IL7: variants seen among roughly 807,000 people sequenced by gnomAD.
IL7 encodes interleukin 7.
Under a neutral mutation model 21.6 loss-of-function variants are expected in IL7, and 3 were observed. That is an observed-to-expected ratio of 0.14 (90% confidence interval 0.06 to 0.36). IL7 has a LOEUF of 0.36. IL7 is among the 10% of genes least tolerant of loss of function. IL7 has a pLI of 1.00. For missense variants in IL7, 175 were observed against 200.2 expected, an observed-to-expected ratio of 0.87 and a Z score of 0.76; for synonymous variants, 62 against 68.1, an observed-to-expected ratio of 0.91 and a Z score of 0.44.
At chr8:78,718,471 T>C (rs1381514544) in intron 6 of IL7, 2 of 151,964 alleles carry the variant, frequency 1.3e-5, no homozygotes, top group East Asian at 3.8e-4. Flanking sequence ...TAATCATTAG[T>C]GCAGAGCATG....
At chr8:78,796,276 C>T (rs997459722) in intron 2 of IL7, among the ~76,000 whole-genome samples, 1 of 151,758 alleles carries the variant, frequency 6.6e-6, no homozygotes, top group Non-Finnish European at 1.5e-5. Flanking sequence ...TATGTACCAG[C>T]AATAAACAAC....
chr8:78,753,196 C>G (rs1812232768), intron 2 of IL7, among the ~76,000 whole-genome samples: 1 of 152,192 alleles, frequency 6.6e-6, no homozygotes, highest in Non-Finnish European at 1.5e-5. Flanking sequence ...TACACTCCTA[C>G]AAACAGTGCA....
At chr8:78,763,817 A>G (rs1349787822) in intron 2 of IL7, among the ~76,000 whole-genome samples, 1 of 152,192 alleles carries the variant, frequency 6.6e-6, no homozygotes, top group Non-Finnish European at 1.5e-5. Flanking sequence ...AATACTTCTC[A>G]ACTCATTCTA....
At chr8:78,797,811 G>A (rs948559865) in intron 2 of IL7, 37 of 286,482 alleles carry the variant, frequency 1.3e-4, no homozygotes, top group Non-Finnish European at 2.1e-4. Flanking sequence ...ACTGAATTAT[G>A]CTTACAAGAA....
At chr8:78,714,405 T>A (rs1011069874), downstream of IL7, among the ~76,000 whole-genome samples, 4 of 152,176 alleles carry the variant, frequency 2.6e-5, no homozygotes, top group Non-Finnish European at 5.9e-5. Context: ...ACAGTAGTAA[T>A]AGTATTAGCA....
intron 2 of IL7, among the ~76,000 whole-genome samples, chr8:78,755,014 T>C (rs1812302856): frequency 6.6e-6 from 1 of 152,136 alleles, no homozygotes; most frequent in Non-Finnish European, 1.5e-5. Context: ...TTATATATGG[T>C]GAGAGATAGG....
intron 2 of IL7, among the ~76,000 whole-genome samples, chr8:78,752,236 T>A (rs1812198612): frequency 6.6e-6 from 1 of 152,226 alleles, no homozygotes; most frequent in African/African-American, 2.4e-5. Context: ...CAATAAACAT[T>A]AAGTTACAGG....
At chr8:78,762,663 T>C (rs1057042057) in intron 2 of IL7, among the ~76,000 whole-genome samples, 2 of 150,262 alleles carry the variant, frequency 1.3e-5, no homozygotes, top group African/African-American at 4.9e-5. Context: ...TTTTTTTTTT[T>C]CTATTGTGTC....
intron 3 of IL7, among the ~76,000 whole-genome samples, chr8:78,703,672 T>C (rs1358272255): frequency 6.6e-6 from 1 of 152,116 alleles, no homozygotes; most frequent in Non-Finnish European, 1.5e-5. Context: ...CCCATGTGTG[T>C]CATTGCATGA....
At chr8:78,692,851 G>A (rs1329958474) in intron 3 of IL7, among the ~76,000 whole-genome samples, 1 of 151,902 alleles carries the variant, frequency 6.6e-6, no homozygotes, top group Non-Finnish European at 1.5e-5. Context: ...CATTTACATG[G>A]AGTATATCTC....
chr8:78,716,478 TTTG>T (rs1295262562), downstream of IL7, among the ~76,000 whole-genome samples: 1 of 151,984 alleles, frequency 6.6e-6, no homozygotes, highest in African/African-American at 2.4e-5. Context: ...TGCATAAGAG[TTTG>T]TTATTTATTG....
At chr8:78,675,137 T>G (rs1028329742), downstream of IL7, among the ~76,000 whole-genome samples, 20 of 151,678 alleles carry the variant, frequency 1.3e-4, no homozygotes, top group Admixed American at 1.3e-3. Context: ...TATATTAATT[T>G]TATTAATAAT....
intron 2 of IL7, among the ~76,000 whole-genome samples, chr8:78,750,640 G>A (rs191693171): frequency 1.7e-3 from 257 of 152,222 alleles, no homozygotes; most frequent in African/African-American, 5.5e-3. Context: ...TGGCTAACAC[G>A]GTGAAACCCC....
intron 2 of IL7, among the ~76,000 whole-genome samples, chr8:78,775,926 T>G (rs1016252209): frequency 4.6e-5 from 7 of 152,068 alleles, no homozygotes; most frequent in African/African-American, 1.7e-4. Context: ...AATAGCCACT[T>G]CTACATTCTC....
chr8:78,694,142 A>C (rs1347416512), intron 3 of IL7, among the ~76,000 whole-genome samples: 2 of 151,648 alleles, frequency 1.3e-5, no homozygotes, highest in African/African-American at 4.8e-5. Flanking sequence ...TATTTTTCTA[A>C]TTTCCTATTT....
downstream of IL7, among the ~76,000 whole-genome samples, chr8:78,714,754 G>A (rs1387702322): frequency 6.6e-6 from 1 of 152,086 alleles, no homozygotes; most frequent in Non-Finnish European, 1.5e-5. Context: ...TTTAGTTGCT[G>A]CTTTTTAGAA....
At chr8:78,701,538 A>G (rs1383008222) in intron 3 of IL7, among the ~76,000 whole-genome samples, 1 of 152,166 alleles carries the variant, frequency 6.6e-6, no homozygotes, top group Non-Finnish European at 1.5e-5. Context: ...TATGTTGAAT[A>G]GGAGTGGTGA....
chr8:78,747,124 A>G (rs1812005022), intron 2 of IL7: 1 of 454,786 alleles, frequency 2.2e-6, no homozygotes, highest in Non-Finnish European at 4.4e-6. Context: ...TTGGCATAGA[A>G]TATATTCAGT....
intron 2 of IL7, among the ~76,000 whole-genome samples, chr8:78,764,635 A>T (rs556721169): frequency 3.0e-4 from 45 of 152,178 alleles, no homozygotes; most frequent in African/African-American, 9.9e-4. Flanking sequence ...AATGTCCAAA[A>T]TACATATGAG....
Sources: gnomAD v4.1 joint callset for allele counts (sites outside exome capture counted in the v4.1 genomes callset) on GRCh38, gnomAD v4.1.1 for gene constraint, MANE v1.5 for transcripts, NCBI Gene and HGNC (gene_info 2026-07-23, HGNC 2026-07-21) for gene names.